ARHGAP26: variants seen among roughly 807,000 people sequenced by gnomAD.
The protein encoded by ARHGAP26 is Rho GTPase activating protein 26.
A neutral mutation model predicts 104.8 loss-of-function variants in ARHGAP26; 38 were observed. The ratio of observed to expected loss-of-function variants is 0.36; its 90% CI spans 0.28 to 0.48. The LOEUF (loss-of-function observed/expected upper bound fraction) is 0.48, where lower values mean the gene tolerates loss of function less well. Among genes scored for constraint, ARHGAP26 ranks in the 20% least tolerant of loss-of-function variants. The probability of loss-of-function intolerance (pLI) is 0.99; values close to 1 mark genes in which losing one functional copy is unlikely to be tolerated. For missense variants in ARHGAP26, 704 were observed against 947.9 expected, an observed-to-expected ratio of 0.74 and a Z score of 3.38; for synonymous variants, 341 against 340.0, an observed-to-expected ratio of 1.00 and a Z score of -0.03.
intron 17 of ARHGAP26, among the ~76,000 whole-genome samples, chr5:143,075,055 A>G (rs1243168160): frequency 1.3e-5 from 2 of 152,242 alleles, no homozygotes; most frequent in Non-Finnish European, 2.9e-5. Context: ...TTATCATTAG[A>G]TAATGGATAG....
chr5:143,168,976 T>A (rs372104278), intron 20 of ARHGAP26: 1 of 152,242 alleles, frequency 6.6e-6, no homozygotes, highest in African/African-American at 2.4e-5. Flanking sequence ...AAACTGTAAG[T>A]GAACTATGGA....
intron 11 of ARHGAP26, among the ~76,000 whole-genome samples, chr5:142,932,362 C>T (rs1347512270): frequency 6.6e-6 from 1 of 152,212 alleles, no homozygotes; most frequent in East Asian, 1.9e-4. Flanking sequence ...TAGAATTACA[C>T]CAGAACTCCC....
In ARHGAP26 at chr5:142,879,389, G is replaced by A. The variant is rs762777887; in HGVS notation, c.328G>A (p.Glu110Lys). The A allele has an allele frequency of 5.0e-6, 8 of 1,613,974 alleles. No individual in the cohort carries two copies. In the East Asian group the frequency reaches 8.9e-5, roughly 18 times the overall value. Reference sequence around the variant, plus strand: ...TCTTCACCAGATTGAGAATGCCAGCGAGGTGCTCATCACTCCCTTGGAGAA... The same window carrying A: ...TCTTCACCAGATTGAGAATGCCAGCAAGGTGCTCATCACTCCCTTGGAGAA... ...ERIRMIENAS[E>K]VLITPLEKFR... Residue 110 changes from glutamate to lysine, a missense_variant, in exon 4 of 23, where the codon GAG (glutamate) becomes AAG (lysine). Around this residue, in one of 6 missense-constraint regions of ARHGAP26, gnomAD observed 106 missense variants for 120.5 expected, o/e 0.88. Coordinates refer to ENST00000645722, the MANE Select transcript of ARHGAP26 (RefSeq NM_001135608.3).
chr5:142,953,655 C>T (rs1321491099), intron 11 of ARHGAP26, among the ~76,000 whole-genome samples: 3 of 152,224 alleles, frequency 2.0e-5, no homozygotes, highest in African/African-American at 7.2e-5. Flanking sequence ...TTAAGGCAGC[C>T]TGTCCTGTAT....
At chr5:143,156,963 G>A (rs1193836796) in intron 20 of ARHGAP26, among the ~76,000 whole-genome samples, 1 of 152,174 alleles carries the variant, frequency 6.6e-6, no homozygotes, top group Non-Finnish European at 1.5e-5. Flanking sequence ...GCCAGTAGAT[G>A]TTTTTATTGT....
chr5:142,780,903 G>A lies in ARHGAP26; in HGVS notation c.154+9988G>A, dbSNP rs187139614. Among the ~76,000 whole-genome samples the A allele has an allele frequency of 5.6e-4, 86 of 152,330 alleles. 1 individual carries two copies. Among genetic ancestry groups the A allele is most frequent in the Middle Eastern group, 3.4e-3 (1 of 294 alleles). On this transcript the variant is annotated intron_variant, in intron 1 of 22. Transcript: ENST00000645722. ...GAGTTTTGCATGACATCTCTCTCTG[G>A]CAGCTTCTCCTGCAGAGCTTAGCAC...
chr5:142,777,167 T>G (rs926802939), intron 1 of ARHGAP26, among the ~76,000 whole-genome samples: 1 of 152,238 alleles, frequency 6.6e-6, no homozygotes, highest in Non-Finnish European at 1.5e-5. Context: ...CCATTTGCCC[T>G]CTTTTGGGGA....
At chr5:143,098,032 T>G (rs1283531178) in intron 17 of ARHGAP26, among the ~76,000 whole-genome samples, 1 of 152,158 alleles carries the variant, frequency 6.6e-6, no homozygotes, top group East Asian at 1.9e-4. Context: ...CTTCTCAGAA[T>G]TCCATACAGT....
intron 1 of ARHGAP26, among the ~76,000 whole-genome samples, chr5:142,843,569 C>T (rs984171784): frequency 3.3e-5 from 5 of 152,148 alleles, no homozygotes; most frequent in Admixed American, 6.5e-5. Flanking sequence ...GGAGTAGTGA[C>T]GTATAATCCC....
intron 11 of ARHGAP26, among the ~76,000 whole-genome samples, chr5:142,990,864 T>C (rs141641205): frequency 6.6e-6 from 1 of 152,098 alleles, no homozygotes; most frequent in Non-Finnish European, 1.5e-5. Context: ...CAGTTGTCAG[T>C]CGGCCCCTAC....
intron 1 of ARHGAP26, among the ~76,000 whole-genome samples, chr5:142,814,852 AGTGCCTGT>A (rs1286948960): frequency 2.0e-5 from 3 of 152,246 alleles, no homozygotes; most frequent in African/African-American, 7.2e-5. Context: ...ATAATGCGTT[AGTGCCTGT>A]AGACAATGCT....
intron 17 of ARHGAP26, among the ~76,000 whole-genome samples, chr5:143,064,609 C>T (rs531843018): frequency 1.8e-4 from 27 of 152,056 alleles, no homozygotes; most frequent in Non-Finnish European, 3.4e-4. Context: ...AGGGACATTG[C>T]ACAGAGCACA....
intron 11 of ARHGAP26, among the ~76,000 whole-genome samples, chr5:142,933,758 G>T (rs770768774): frequency 6.6e-6 from 1 of 152,166 alleles, no homozygotes; most frequent in African/African-American, 2.4e-5. Context: ...GCAGTCATGG[G>T]CCCTGCCAGG....
At chr5:143,036,131 C>T (rs1782606050) in intron 12 of ARHGAP26, among the ~76,000 whole-genome samples, 1 of 152,100 alleles carries the variant, frequency 6.6e-6, no homozygotes, top group Non-Finnish European at 1.5e-5. Flanking sequence ...TCAAATATTA[C>T]AAGTTTATTA....
chr5:143,130,295 A>T (rs1484981193), intron 18 of ARHGAP26, among the ~76,000 whole-genome samples: 3 of 152,212 alleles, frequency 2.0e-5, no homozygotes, highest in African/African-American at 7.2e-5. Context: ...TTTGTTTTAC[A>T]ATTTTATTCC....
In ARHGAP26 at chr5:142,864,774, G is replaced by A. The variant is rs2152321612; in HGVS notation, c.155-8626G>A. On this transcript the variant is annotated intron_variant, in intron 1 of 22. Transcript: ENST00000645722. ...TTTCCTATTTTGAATTCCCACAACA[G>A]CCCTGTGAGGTACATACTGTCCTCA... 1.3e-5 allele frequency among the ~76,000 whole-genome samples: 2 copies of A among 152,274 alleles called. 1 individual carries two copies. Among genetic ancestry groups the A allele is most frequent in the Non-Finnish European group, 2.9e-5 (2 of 68,022 alleles).
At chr5:143,066,984 C>T (rs1787583553) in intron 17 of ARHGAP26, among the ~76,000 whole-genome samples, 1 of 151,862 alleles carries the variant, frequency 6.6e-6, no homozygotes, top group Non-Finnish European at 1.5e-5. Context: ...AAGGAACAAG[C>T]CACGTAGGGC....
At chr5:143,036,148 C>T (rs1187042541) in intron 12 of ARHGAP26, among the ~76,000 whole-genome samples, 1 of 152,092 alleles carries the variant, frequency 6.6e-6, no homozygotes, top group Admixed American at 6.6e-5. Flanking sequence ...ATTACTTTCC[C>T]TGAGATGACC....
chr5:142,885,480 A>G, intron 5 of ARHGAP26, 81 bp downstream of exon 5: 1 of 1,285,900 alleles, frequency 7.8e-7, no homozygotes. Flanking sequence ...GCTCTTTGCT[A>G]GAAAATCTTA....
Sources: allele counts gnomAD v4.1 joint callset (sites outside exome capture counted in the v4.1 genomes callset), GRCh38; gene constraint gnomAD v4.1.1; regional missense constraint gnomAD v4.1.1; transcripts MANE v1.5; gene names NCBI Gene and HGNC (gene_info 2026-07-23, HGNC 2026-07-21).